RP1: variants seen among roughly 807,000 people sequenced by gnomAD.
The protein encoded by RP1 is oxygen-regulated protein 1.
In RP1, 16 loss-of-function variants were observed where a neutral mutation model predicts 14.8. The ratio of observed to expected loss-of-function variants is 1.08; its 90% CI spans 0.73 to 1.65. The LOEUF (loss-of-function observed/expected upper bound fraction) is 1.65. RP1 is among the 40% of genes most tolerant of loss of function. The probability of loss-of-function intolerance (pLI) is 0.00; values close to 1 mark genes in which losing one functional copy is unlikely to be tolerated. For synonymous variants in RP1, 876 were observed against 883.6 expected, an observed-to-expected ratio of 0.99 and a Z score of 0.15; for missense variants, 2,631 against 2,535.0, an observed-to-expected ratio of 1.04 and a Z score of -0.81.
Position 54,735,980 on chromosome 8 carries a change from A to G in RP1, c.2721+1236A>G, listed in dbSNP as rs551897060. Among the ~76,000 whole-genome samples, 4 of 152,250 alleles carry G rather than the reference A, an allele frequency of 2.6e-5. No individual in the cohort carries two copies. The East Asian group carries it at 7.7e-4, about 29-fold the overall frequency. ...TGGAATTACCCAGGGAGCTTTAAAA[A>G]CTACTGATGCCTGATTCCACCTCCA... On this transcript the variant is annotated intron_variant, in intron 18 of 22. Transcript: ENST00000636932.
intron 26 of RP1, among the ~76,000 whole-genome samples, chr8:54,854,162 A>G (rs1396162031): frequency 6.6e-6 from 1 of 152,222 alleles, no homozygotes; most frequent in African/African-American, 2.4e-5. Context: ...CAATCTAATT[A>G]TATAATTTAT....
chr8:54,840,382 A>G (rs569484196), intron 25 of RP1, among the ~76,000 whole-genome samples: 1 of 151,928 alleles, frequency 6.6e-6, no homozygotes, highest in South Asian at 2.1e-4. Context: ...CCTCCTGAGT[A>G]GCTGGGATTA....
intron 24 of RP1, among the ~76,000 whole-genome samples, chr8:54,825,693 A>C (rs1811372503): frequency 6.6e-6 from 1 of 152,160 alleles, no homozygotes; most frequent in African/African-American, 2.4e-5. Flanking sequence ...TTTGTGAGAG[A>C]TGGATGTTGT....
chr8:54,802,942 TAG>T (rs1317133393), intron 24 of RP1, among the ~76,000 whole-genome samples: 1 of 152,094 alleles, frequency 6.6e-6, no homozygotes, highest in Admixed American at 6.5e-5. Flanking sequence ...GTGTGTTCTA[TAG>T]AAGCAAGGTA....
At chr8:54,678,337 T>G (rs1318305081) in intron 8 of RP1, 1 of 719,870 alleles carries the variant, frequency 1.4e-6, no homozygotes, top group African/African-American at 1.8e-5. Context: ...TTTGAAGTAC[T>G]AAAGCTTTAT....
intron 19 of RP1, among the ~76,000 whole-genome samples, chr8:54,750,473 T>C (rs1809333403): frequency 6.6e-6 from 1 of 152,214 alleles, no homozygotes; most frequent in Non-Finnish European, 1.5e-5. Context: ...AATCAAGCTC[T>C]TTTACAATAT....
intron 24 of RP1, among the ~76,000 whole-genome samples, chr8:54,815,835 G>A (rs1479030991): frequency 6.6e-6 from 1 of 152,130 alleles, no homozygotes; most frequent in Admixed American, 6.5e-5. Flanking sequence ...TTCATATTTG[G>A]CTCAGCTGTA....
chr8:54,586,565 C>T (rs1008219474), intron 1 of RP1, among the ~76,000 whole-genome samples: 1 of 152,218 alleles, frequency 6.6e-6, no homozygotes, highest in African/African-American at 2.4e-5. Flanking sequence ...TTTCTCCTGC[C>T]TTTTGTTTGG....
At chr8:54,831,807 G>C (rs534301635) in intron 24 of RP1, among the ~76,000 whole-genome samples, 4 of 150,900 alleles carry the variant, frequency 2.7e-5, no homozygotes, top group Non-Finnish European at 4.4e-5. Flanking sequence ...TAAACCTGAA[G>C]AACTTCTCTT....
At chr8:54,712,055 C>A (rs902420966) in intron 15 of RP1, among the ~76,000 whole-genome samples, 21 of 152,128 alleles carry the variant, frequency 1.4e-4, no homozygotes, top group African/African-American at 5.1e-4. Flanking sequence ...TGTGATATTT[C>A]TTTCCTCCAG....
intron 20 of RP1, chr8:54,755,540 C>G (rs1809483349): frequency 5.1e-6 from 7 of 1,384,780 alleles, no homozygotes; most frequent in Non-Finnish European, 6.9e-6. Context: ...AGCCTGAAAA[C>G]CTATGGATCT....
upstream of RP1, among the ~76,000 whole-genome samples, chr8:54,612,965 A>G (rs1328117563): frequency 6.6e-6 from 1 of 152,130 alleles, no homozygotes; most frequent in Non-Finnish European, 1.5e-5. Context: ...ATAGCACTTT[A>G]TAGGATCTAA....
intron 13 of RP1, chr8:54,699,673 A>C (rs1019430207): frequency 2.1e-6 from 1 of 482,766 alleles, no homozygotes; most frequent in African/African-American, 2.0e-5. Context: ...TTTGGCTTGT[A>C]CTAGCACTTT....
At chr8:54,766,252 A>C (rs552807917) in intron 22 of RP1, among the ~76,000 whole-genome samples, 29 of 152,380 alleles carry the variant, frequency 1.9e-4, no homozygotes, top group African/African-American at 6.7e-4. Context: ...TAGATAAAAA[A>C]AGATGTTGAA....
intron 6 of RP1, chr8:54,656,357 G>A: frequency 1.2e-6 from 1 of 824,666 alleles, no homozygotes; most frequent in Non-Finnish European, 1.8e-6. Flanking sequence ...TGATGTGGCA[G>A]CTGCATCTAA....
At chr8:54,653,841 C>A (rs1293853938) in intron 5 of RP1, among the ~76,000 whole-genome samples, 1 of 152,084 alleles carries the variant, frequency 6.6e-6, no homozygotes, top group Non-Finnish European at 1.5e-5. Flanking sequence ...TCATATATGA[C>A]AATATCTTTT....
At chr8:54,674,527 G>GAAAA (rs377598146) in intron 8 of RP1, among the ~76,000 whole-genome samples, 1 of 136,920 alleles carries the variant, frequency 7.3e-6, no homozygotes. Context: ...AAAAAAAAAG[G>GAAAA]AAAAAAAAAC....
chr8:54,834,258 C>T (rs761414927), intron 24 of RP1, among the ~76,000 whole-genome samples: 4 of 151,984 alleles, frequency 2.6e-5, no homozygotes, highest in Non-Finnish European at 4.4e-5. Flanking sequence ...TAATCAAATG[C>T]GTGAGAAATC....
intron 1 of RP1, among the ~76,000 whole-genome samples, chr8:54,585,986 T>C (rs1358257834): frequency 1.3e-5 from 2 of 152,262 alleles, no homozygotes; most frequent in Non-Finnish European, 2.9e-5. Context: ...TGAAGCCTTC[T>C]TCTCTCAACT....
Sources: gnomAD v4.1 joint callset for allele counts (sites outside exome capture counted in the v4.1 genomes callset) on GRCh38, gnomAD v4.1.1 for gene constraint, MANE v1.5 for transcripts, NCBI Gene and HGNC (gene_info 2026-07-23, HGNC 2026-07-21) for gene names.